The following BPI variants were observed in gnomAD, a reference collection of about 807,000 sequenced individuals.
BPI encodes bactericidal permeability-increasing protein.
In BPI, 48 loss-of-function variants were observed where a neutral mutation model predicts 57.6. The ratio of observed to expected loss-of-function variants is 0.83; its 90% CI spans 0.66 to 1.06. BPI has a LOEUF of 1.06. Ranked by LOEUF, BPI falls within the 50% of genes least tolerant of loss-of-function variation. BPI has a pLI of 0.00. For missense variants in BPI, 651 were observed against 609.7 expected (o/e 1.07, Z -0.71); for synonymous variants, 237 against 238.2 (o/e 0.99, Z 0.05).
chr20:38,335,764 T>C (rs1600716244), intron 14 of BPI, 90 bp downstream of exon 14: 1 of 1,318,072 alleles, frequency 7.6e-7, no homozygotes, highest in Non-Finnish European at 1.1e-6. Flanking sequence ...TGCCAAGCCC[T>C]GTGTGAAGCG....
intron 5 of BPI, among the ~76,000 whole-genome samples, chr20:38,313,971 A>G (rs1411726014): frequency 2.9e-5 from 4 of 139,834 alleles, no homozygotes; most frequent in African/African-American, 8.1e-5. Context: ...TGATGGTGAT[A>G]GTGAGGTTGA....
In BPI at chr20:38,337,210, C is replaced by G. The variant is rs762828707; in HGVS notation, c.*26C>G. Reference sequence around the variant, plus strand: ...AGGCACCAGGGGTGCCGGGGGCTGTCAGCCACACCTGTTCCTGATGGGCTG... The same window carrying G: ...AGGCACCAGGGGTGCCGGGGGCTGTGAGCCACACCTGTTCCTGATGGGCTG... On this transcript the variant is annotated 3_prime_UTR_variant, in exon 15 of 15. Transcript: ENST00000642449. 6.3e-7 allele frequency: 1 copy of G among 1,575,602 alleles called. No individual in the cohort carries two copies. The highest frequency in any genetic ancestry group is 2.4e-5 in the East Asian group (1 of 41,904).
At chr20:38,306,728 A>G (rs1367557571) in intron 1 of BPI, among the ~76,000 whole-genome samples, 1 of 152,206 alleles carries the variant, frequency 6.6e-6, no homozygotes, top group Non-Finnish European at 1.5e-5. Flanking sequence ...GGGGTGTAGC[A>G]TAGAGCAAAT....
intron 1 of BPI, among the ~76,000 whole-genome samples, chr20:38,306,739 A>G (rs77410086): frequency 0.013 from 2,041 of 152,258 alleles, 48 homozygotes; most frequent in African/African-American, 0.048. Context: ...TAGAGCAAAT[A>G]ACAAATTAAG....
intron 5 of BPI, among the ~76,000 whole-genome samples, chr20:38,315,990 G>C (rs1343025731): frequency 2.0e-5 from 3 of 151,870 alleles, no homozygotes; most frequent in African/African-American, 7.3e-5. Context: ...CTGCCACCAT[G>C]CCTGGCTAAT....
intron 7 of BPI, among the ~76,000 whole-genome samples, chr20:38,322,299 G>GA (rs796653141): frequency 1.0e-3 from 153 of 150,474 alleles, no homozygotes; most frequent in African/African-American, 3.3e-3. Flanking sequence ...GGCATACTAA[G>GA]AAAAAAAAAT....
intron 1 of BPI, among the ~76,000 whole-genome samples, chr20:38,306,099 T>A (rs2076595394): frequency 6.6e-6 from 1 of 152,226 alleles, no homozygotes; most frequent in African/African-American, 2.4e-5. Context: ...TGGTGCCATC[T>A]CAGCTCACTG....
chr20:38,315,803 C>G (rs1176936277), intron 5 of BPI, among the ~76,000 whole-genome samples: 4 of 150,930 alleles, frequency 2.7e-5, no homozygotes, highest in Non-Finnish European at 4.4e-5. Context: ...TTTCCTTCTT[C>G]CCACTCTTCT....
chr20:38,335,648 T>C lies in BPI; in HGVS notation c.1387T>C (p.Tyr463His). The C allele has an allele frequency of 1.2e-6, 2 of 1,614,176 alleles. No homozygotes were observed. Among genetic ancestry groups the C allele is most frequent in the Non-Finnish European group, 1.7e-6 (2 of 1,180,010 alleles). Residue 463 changes from tyrosine to histidine, a missense_variant, in exon 14 of 15, where the codon TAC (tyrosine) becomes CAC (histidine). Transcript: ENST00000642449. The part of the protein sequence containing the change: ...PLPTPARVQL[Y>H]NVVLQPHQNF... Reference sequence around the variant, plus strand: ...CCCGACGCCGGCCAGAGTCCAGCTCTACAACGTAGTGCTTCAGCCTCACCA... The same window carrying C: ...CCCGACGCCGGCCAGAGTCCAGCTCCACAACGTAGTGCTTCAGCCTCACCA...
At chr20:38,335,146 A>C (rs2076761212) in intron 13 of BPI, among the ~76,000 whole-genome samples, 1 of 152,154 alleles carries the variant, frequency 6.6e-6, no homozygotes, top group Non-Finnish European at 1.5e-5. Flanking sequence ...GCCACGTTCT[A>C]ATTTAGAGTT....
At chr20:38,337,018 AC>A (rs2122576726) in intron 14 of BPI, 127 bp from the exon 15 acceptor site, 1 of 854,308 alleles carries the variant, frequency 1.2e-6, no homozygotes, top group African/African-American at 1.8e-5. Context: ...AGTGACCCCC[AC>A]TGGCCCTGCC....
At chr20:38,309,411 T>C (rs2076611636) in intron 3 of BPI, among the ~76,000 whole-genome samples, 1 of 152,220 alleles carries the variant, frequency 6.6e-6, no homozygotes, top group Non-Finnish European at 1.5e-5. Context: ...TCATCACTTA[T>C]GTATCTGTCG....
chr20:38,334,935 C>T (rs1191740034), intron 13 of BPI, among the ~76,000 whole-genome samples: 2 of 152,096 alleles, frequency 1.3e-5, no homozygotes, highest in Non-Finnish European at 2.9e-5. Flanking sequence ...TAGATCACCA[C>T]GCTGGTAAGA....
chr20:38,308,031 G>A (rs2076605203), intron 2 of BPI, among the ~76,000 whole-genome samples: 1 of 152,238 alleles, frequency 6.6e-6, no homozygotes, highest in East Asian at 1.9e-4. Flanking sequence ...GGTTCAGCTT[G>A]AGGCAGGCTT....
Position 38,310,532 on chromosome 20 carries a change from C to T in BPI, c.416C>T (p.Ser139Phe). The T allele has an allele frequency of 6.2e-7, 1 of 1,614,162 alleles. No homozygotes were observed. Among genetic ancestry groups the T allele is most frequent in the South Asian group, 1.1e-5 (1 of 91,064 alleles). The change falls in exon 4 of 15, where the codon TCC (serine) becomes TTC (phenylalanine). Residue 139 changes from serine (S) to phenylalanine (F), a missense_variant. Transcript: ENST00000642449. ...GNFDLSIEGM[S>F]ISADLKLGSN... Reference sequence around the variant, plus strand: ...TTTGACCTGAGCATAGAAGGCATGTCCATTTCGGCTGATCTGAAGCTGGGC... The same window carrying T: ...TTTGACCTGAGCATAGAAGGCATGTTCATTTCGGCTGATCTGAAGCTGGGC...
In BPI at chr20:38,320,442, C is replaced by T. The variant is rs370352718; in HGVS notation, c.756+168C>T. Reference sequence around the variant, plus strand: ...CCTGCTCCAGTCACACTGGCCTCCCCGCCATTCCCCGAAACACACCATGCC... The same window carrying T: ...CCTGCTCCAGTCACACTGGCCTCCCTGCCATTCCCCGAAACACACCATGCC... On this transcript the variant is annotated intron_variant, in intron 7 of 14. Transcript: ENST00000642449. Among the ~76,000 whole-genome samples, 36 of 152,132 alleles carry T rather than the reference C, an allele frequency of 2.4e-4. No individual in the cohort carries two copies. The East Asian group carries it at 3.1e-3, about 13-fold the overall frequency.
chr20:38,334,613 T>C (rs1475763369), intron 13 of BPI, 120 bp downstream of exon 13: 13 of 997,246 alleles, frequency 1.3e-5, no homozygotes, highest in Non-Finnish European at 1.7e-5. Flanking sequence ...TGATGTCAAG[T>C]GAACTTCAAA....
At chr20:38,325,888 CT>C (rs1396812654) in intron 9 of BPI, among the ~76,000 whole-genome samples, 3 of 152,166 alleles carry the variant, frequency 2.0e-5, no homozygotes, top group African/African-American at 7.2e-5. Context: ...TTAGTTCCCC[CT>C]TGAAGCCACT....
chr20:38,308,366 G>A (rs1007368677), intron 2 of BPI, among the ~76,000 whole-genome samples: 8 of 152,188 alleles, frequency 5.3e-5, no homozygotes, highest in African/African-American at 1.9e-4. Context: ...ATGGGGAGGG[G>A]CTTCCCCTAA....
Sources: allele counts gnomAD v4.1 joint callset (sites outside exome capture counted in the v4.1 genomes callset), GRCh38; gene constraint gnomAD v4.1.1; transcripts MANE v1.5; gene names NCBI Gene and HGNC (gene_info 2026-07-23, HGNC 2026-07-21).